TBC1D19: variants seen among roughly 807,000 people sequenced by gnomAD.
TBC1D19 encodes the protein TBC1 domain family, member 19.
In TBC1D19, 60 loss-of-function variants were observed where a neutral mutation model predicts 89.0. The observed-to-expected ratio is 0.67, with a 90% CI of 0.55 to 0.84. TBC1D19 has a LOEUF of 0.84. Among genes scored for constraint, TBC1D19 ranks in the 40% least tolerant of loss-of-function variants. The pLI, the probability that TBC1D19 is intolerant of heterozygous loss-of-function variation, is 0.00. For missense variants in TBC1D19, 500 were observed against 610.8 expected, an observed-to-expected ratio of 0.82 and a Z score of 1.91; for synonymous variants, 189 against 199.7, an observed-to-expected ratio of 0.95 and a Z score of 0.45.
the TBC1D19 span, among the ~76,000 whole-genome samples, chr4:26,821,086 G>A: frequency 1.3e-5 from 2 of 152,176 alleles, no homozygotes; most frequent in South Asian, 2.1e-4. Context: ...CTGGAAGAAA[G>A]GACGTTTGCA....
At chr4:26,746,579 A>T (rs572179306) in intron 18 of TBC1D19, among the ~76,000 whole-genome samples, 15 of 152,224 alleles carry the variant, frequency 9.9e-5, no homozygotes, top group Admixed American at 5.2e-4. Flanking sequence ...TGAACTGTAC[A>T]CTAATAAGGG....
chr4:26,592,844 C>T (rs1356564224), intron 1 of TBC1D19, among the ~76,000 whole-genome samples: 3 of 152,114 alleles, frequency 2.0e-5, no homozygotes, highest in Non-Finnish European at 2.9e-5. Context: ...AAAGAGGATA[C>T]AAACAGATGG....
intron 13 of TBC1D19, among the ~76,000 whole-genome samples, chr4:26,716,451 G>A (rs904515259): frequency 2.6e-5 from 4 of 152,122 alleles, no homozygotes; most frequent in African/African-American, 9.7e-5. Flanking sequence ...CAGACAGGTG[G>A]TCCAGTTTTT....
chr4:26,821,312 A>C, the TBC1D19 span, among the ~76,000 whole-genome samples: 2 of 152,328 alleles, frequency 1.3e-5, no homozygotes, highest in African/African-American at 4.8e-5. Flanking sequence ...CAACTCATTG[A>C]ATTTTCAGTT....
chr4:26,673,546 C>T (rs569163951), intron 10 of TBC1D19, among the ~76,000 whole-genome samples: 4 of 150,552 alleles, frequency 2.7e-5, no homozygotes, highest in African/African-American at 9.8e-5. Context: ...TAAGTCCCTC[C>T]TTATCCACAC....
intron 19 of TBC1D19, among the ~76,000 whole-genome samples, chr4:26,750,232 C>A (rs573283644): frequency 6.6e-6 from 1 of 152,174 alleles, no homozygotes; most frequent in South Asian, 2.1e-4. Context: ...TTTCTACTGT[C>A]ATTTCTCAAG....
At chr4:26,805,765 G>A in the TBC1D19 span, among the ~76,000 whole-genome samples, 1 of 152,146 alleles carries the variant, frequency 6.6e-6, no homozygotes, top group Non-Finnish European at 1.5e-5. Flanking sequence ...GGAGGCTTAG[G>A]TGGGTGGATC....
chr4:26,588,858 C>G (rs180760523), intron 1 of TBC1D19, among the ~76,000 whole-genome samples: 62 of 152,194 alleles, frequency 4.1e-4, no homozygotes, highest in Admixed American at 3.7e-3. Context: ...TGTTTCTGTT[C>G]CATAATTGTC....
chr4:26,681,608 T>C (rs1560468533), intron 11 of TBC1D19, among the ~76,000 whole-genome samples: 1 of 152,182 alleles, frequency 6.6e-6, no homozygotes, highest in Non-Finnish European at 1.5e-5. Flanking sequence ...GCCAATTTAT[T>C]CTGTAGATAT....
upstream of TBC1D19, among the ~76,000 whole-genome samples, chr4:26,581,727 C>T (rs534409497): frequency 1.8e-4 from 27 of 152,258 alleles, no homozygotes; most frequent in South Asian, 5.4e-3. Flanking sequence ...AGTGGTCTAT[C>T]TATCATTATA....
rs563891789 is a variant in TBC1D19, at chr4:26,584,432, C to A, written c.99+140C>A. ...TGCTCAAAAAACAAACAGACAAAAACAAAAACAAAAACAAAAACAAAAACA... is the reference window on the plus strand; with the variant it reads ...TGCTCAAAAAACAAACAGACAAAAAAAAAAACAAAAACAAAAACAAAAACA... On this transcript the variant is annotated intron_variant, in intron 1 of 20. Transcript: ENST00000264866. The A allele has an allele frequency of 4.7e-4, 324 of 683,904 alleles. 1 individual carries two copies. The East Asian group carries it at 8.4e-3, about 18-fold the overall frequency. The allele number at this position is 683,904 out of a possible 1,614,324, so 42.4% of individuals were successfully genotyped here.
At chr4:26,609,467 G>A (rs1206322904) in intron 1 of TBC1D19, among the ~76,000 whole-genome samples, 1 of 152,110 alleles carries the variant, frequency 6.6e-6, no homozygotes, top group South Asian at 2.1e-4. Context: ...TGTCTTGGAA[G>A]CTAGCAGGTG....
Position 26,640,168 on chromosome 4 carries a change from C to G in TBC1D19, c.461C>G (p.Ala154Gly). ...PDLSLFRPVY[A>G]PKDFLEVLIN... ...TTAAGCCTTTTCAGACCTGTTTATG[C>G]ACCTAAGGATTTTCTTGAGGTAGGT... The change falls in exon 7 of 21, where the codon GCA (alanine) becomes GGA (glycine). Residue 154 changes from alanine (A) to glycine (G), a missense_variant. Ala to Gly is a moderately conservative substitution (Grantham distance 60). This residue lies in a region of TBC1D19 where 280 missense variants were observed against 291.7 expected (regional missense o/e 0.96). Coordinates refer to ENST00000264866, the MANE Select transcript of TBC1D19 (RefSeq NM_018317.4). 6.2e-7 allele frequency: 1 copy of G among 1,608,890 alleles called. No homozygotes were observed. Among genetic ancestry groups the G allele is most frequent in the Non-Finnish European group, 8.5e-7 (1 of 1,176,270 alleles).
intron 20 of TBC1D19, 71 bp downstream of exon 20, chr4:26,753,961 C>T: frequency 6.5e-7 from 1 of 1,549,544 alleles, no homozygotes; most frequent in Non-Finnish European, 8.9e-7. Context: ...ATTTTAGTGT[C>T]TGTTGCATAG....
At chr4:26,678,528 C>CTT (rs918472765) in intron 11 of TBC1D19, among the ~76,000 whole-genome samples, 33 of 140,458 alleles carry the variant, frequency 2.3e-4, no homozygotes, top group African/African-American at 8.1e-4. Flanking sequence ...AGCGAAACTG[C>CTT]TTTTTTTTTT....
chr4:26,719,339 C>A (rs1412754586), intron 14 of TBC1D19, among the ~76,000 whole-genome samples: 2 of 151,926 alleles, frequency 1.3e-5, no homozygotes, highest in South Asian at 2.1e-4. Context: ...CTGTCACCAC[C>A]CCTAACAAGA....
the TBC1D19 span, among the ~76,000 whole-genome samples, chr4:26,833,454 A>G: frequency 6.6e-6 from 1 of 151,790 alleles, no homozygotes; most frequent in African/African-American, 2.4e-5. Context: ...TTGGTAGTCA[A>G]CTCCTCTGGC....
the TBC1D19 span, among the ~76,000 whole-genome samples, chr4:26,846,114 A>C: frequency 0.85 from 128,610 of 152,098 alleles, 54,644 homozygotes; most frequent in Middle Eastern, 0.98. Flanking sequence ...GAATAATATG[A>C]CATCGTGTAT....
intron 7 of TBC1D19, among the ~76,000 whole-genome samples, chr4:26,656,631 T>C (rs2109064094): frequency 6.6e-6 from 1 of 152,054 alleles, no homozygotes; most frequent in African/African-American, 2.4e-5. Flanking sequence ...CAATCTTGGC[T>C]CACTGTAACC....
Sources: gnomAD v4.1 joint callset for allele counts (sites outside exome capture counted in the v4.1 genomes callset) on GRCh38, gnomAD v4.1.1 for gene constraint, gnomAD v4.1.1 regional missense constraint, MANE v1.5 for transcripts, NCBI Gene and HGNC (gene_info 2026-07-23, HGNC 2026-07-21) for gene names.